QTMAN: variants seen among roughly 807,000 people sequenced by gnomAD.
QTMAN encodes queuosine-tRNA mannosyltransferase, also known as tRNA-queuosine alpha-mannosyltransferase.
chr2:144,223,397 T>C, the QTMAN span, among the ~76,000 whole-genome samples: 8 of 152,228 alleles, frequency 5.3e-5, no homozygotes, highest in African/African-American at 1.9e-4. Flanking sequence ...AAGCACAAAC[T>C]TGATATGAAA....
At chr2:144,257,829 G>A in the QTMAN span, among the ~76,000 whole-genome samples, 3 of 152,054 alleles carry the variant, frequency 2.0e-5, no homozygotes, top group African/African-American at 4.8e-5. Context: ...CTGGGGTGGA[G>A]AAACATAGGC....
At chr2:144,195,705 G>A in the QTMAN span, among the ~76,000 whole-genome samples, 2 of 152,026 alleles carry the variant, frequency 1.3e-5, no homozygotes, top group African/African-American at 4.8e-5. Context: ...GGTTACTTTC[G>A]TAAAGTCTAC....
chr2:144,190,077 A>G, the QTMAN span, among the ~76,000 whole-genome samples: 1 of 152,236 alleles, frequency 6.6e-6, no homozygotes, highest in African/African-American at 2.4e-5. Flanking sequence ...TTATTTTTAA[A>G]GAAATTTTAT....
chr2:144,205,214 T>C, the QTMAN span, among the ~76,000 whole-genome samples: 3 of 152,166 alleles, frequency 2.0e-5, no homozygotes, highest in Admixed American at 2.0e-4. Flanking sequence ...TCAAATCACA[T>C]ATCCACCACT....
the QTMAN span, among the ~76,000 whole-genome samples, chr2:144,133,131 A>ATATATAT: frequency 1.3e-3 from 61 of 48,608 alleles, no homozygotes; most frequent in African/African-American, 3.7e-3. Context: ...ATATATATAT[A>ATATATAT]TATATATATA....
the QTMAN span, among the ~76,000 whole-genome samples, chr2:144,281,447 G>T: frequency 3.2e-5 from 4 of 125,234 alleles, no homozygotes; most frequent in African/African-American, 1.2e-4. Flanking sequence ...TCCAGCAACA[G>T]CACAAAAGAT....
At chr2:144,221,492 A>C in the QTMAN span, among the ~76,000 whole-genome samples, 2 of 152,244 alleles carry the variant, frequency 1.3e-5, no homozygotes, top group Non-Finnish European at 2.9e-5. Context: ...TCATAATACG[A>C]GAGAAAGAGT....
the QTMAN span, among the ~76,000 whole-genome samples, chr2:144,102,478 A>G: frequency 6.6e-6 from 1 of 152,204 alleles, no homozygotes; most frequent in Non-Finnish European, 1.5e-5. Context: ...ACTGACGCCC[A>G]CAGCACTCAA....
chr2:143,992,134 C>T, the QTMAN span, among the ~76,000 whole-genome samples: 2 of 151,684 alleles, frequency 1.3e-5, no homozygotes, highest in African/African-American at 2.4e-5. Context: ...GGATGGTTGC[C>T]GTGTCTGTGT....
chr2:144,061,337 G>A, the QTMAN span, among the ~76,000 whole-genome samples: 1 of 152,062 alleles, frequency 6.6e-6, no homozygotes, highest in East Asian at 1.9e-4. Flanking sequence ...TTCTCTTCTG[G>A]GCAAAGCTAC....
At chr2:144,088,639 T>A in the QTMAN span, among the ~76,000 whole-genome samples, 1 of 151,904 alleles carries the variant, frequency 6.6e-6, no homozygotes, top group South Asian at 2.1e-4. Flanking sequence ...ATCAATGGAA[T>A]AGAATTGAGA....
At chr2:144,305,908 G>A in the QTMAN span, among the ~76,000 whole-genome samples, 1 of 152,072 alleles carries the variant, frequency 6.6e-6, no homozygotes, top group Admixed American at 6.5e-5. Context: ...ATTATACCTT[G>A]CAAGCTTGTT....
the QTMAN span, among the ~76,000 whole-genome samples, chr2:144,181,060 C>A: frequency 6.6e-6 from 1 of 152,082 alleles, no homozygotes; most frequent in Non-Finnish European, 1.5e-5. Flanking sequence ...GTTTTTGAGA[C>A]CCATGTTTTA....
the QTMAN span, among the ~76,000 whole-genome samples, chr2:144,130,764 T>C: frequency 6.6e-6 from 1 of 151,864 alleles, no homozygotes; most frequent in Admixed American, 6.6e-5. Flanking sequence ...GCAACTTTAT[T>C]AACAGCAGCC....
At chr2:144,280,007 G>A in the QTMAN span, among the ~76,000 whole-genome samples, 3 of 152,162 alleles carry the variant, frequency 2.0e-5, no homozygotes, top group Non-Finnish European at 4.4e-5. Flanking sequence ...TGGGAACTCA[G>A]CACAAAGAGA....
the QTMAN span, among the ~76,000 whole-genome samples, chr2:144,332,925 G>C: frequency 6.6e-6 from 1 of 152,058 alleles, no homozygotes; most frequent in Middle Eastern, 3.2e-3. Flanking sequence ...GGTCGACCTC[G>C]GATTCCCCGT....
the QTMAN span, among the ~76,000 whole-genome samples, chr2:144,181,594 C>A: frequency 6.6e-6 from 1 of 152,054 alleles, no homozygotes; most frequent in Admixed American, 6.6e-5. Context: ...GTGTGAATCA[C>A]TTTGAGCCCA....
At chr2:144,281,085 G>A in the QTMAN span, among the ~76,000 whole-genome samples, 9 of 133,262 alleles carry the variant, frequency 6.8e-5, no homozygotes, top group African/African-American at 2.6e-4. Context: ...AGTCCCCGGT[G>A]TGTGATGTTC....
At chr2:143,993,417 G>GC in the QTMAN span, among the ~76,000 whole-genome samples, 1 of 151,844 alleles carries the variant, frequency 6.6e-6, no homozygotes, top group African/African-American at 2.4e-5. Context: ...AAAAAAAAAG[G>GC]GGGGGGGACT....
Sources: gnomAD v4.1 joint callset for allele counts (sites outside exome capture counted in the v4.1 genomes callset) on GRCh38, gnomAD v4.1.1 for gene constraint, MANE v1.5 for transcripts, NCBI Gene and HGNC (gene_info 2026-07-23, HGNC 2026-07-21) for gene names.